Variants in PLEC observed in about 807,000 individuals in gnomAD.
PLEC encodes the protein hemidesmosomal protein 1.
Under a neutral mutation model 392.8 loss-of-function variants are expected in PLEC, and 216 were observed. That is an observed-to-expected ratio of 0.55 (90% CI 0.49 to 0.62). The LOEUF (loss-of-function observed/expected upper bound fraction) is 0.62, where lower values mean the gene tolerates loss of function less well. Among genes scored for constraint, PLEC ranks in the 20% least tolerant of loss-of-function variants. The pLI is 0.00. For synonymous variants in PLEC, 3,621 were observed against 2,980.6 expected, an observed-to-expected ratio of 1.21 and a Z score of -7.00; for missense variants, 6,863 against 6,563.4, an observed-to-expected ratio of 1.05 and a Z score of -1.58.
rs782308508 is a variant in PLEC at position 143,934,028 on chromosome 8, C to G, written c.1233G>C (p.Gln411His). ...GCAGCAGGGCGTCGGCCTGGTTCAG[C>G]TGCTCCTCACACAGCCCCGCCTCCA... ...LQMEAGLCEE[Q>H]LNQADALLQS... The change falls in exon 12 of 32, where the codon CAG (glutamine) becomes CAC (histidine). Residue 411 changes from glutamine (Q) to histidine (H), a missense_variant. Coordinates refer to ENST00000345136, the MANE Select transcript of PLEC (RefSeq NM_201384.3). 4 of 1,610,980 alleles carry G rather than the reference C, an allele frequency of 2.5e-6. No individual in the cohort carries two copies. In the East Asian group the frequency reaches 8.9e-5, roughly 36 times the overall value.
At position 143,933,105 on chromosome 8, in the gene PLEC, G is replaced by A; in HGVS notation, c.1425C>T (p.Tyr475=). Residue 475 remains tyrosine (Y), a synonymous_variant, in exon 14 of 32, where the codon TAC becomes TAT. Transcript: ENST00000345136. The part of the protein sequence containing the change: ...PQGEQMYRRV[Y]RLHERLVAIR... ...TGGCTACCAGGCGCTCGTGCAGACG[G>A]TACACCCTGGGGCAGCAGAGGACTC... 1.3e-6 allele frequency: 2 copies of A among 1,594,982 alleles called. No homozygotes were observed. Among genetic ancestry groups the A allele is most frequent in the Non-Finnish European group, 1.7e-6 (2 of 1,173,588 alleles).
upstream of PLEC, among the ~76,000 whole-genome samples, chr8:143,951,377 G>A (rs147368495): frequency 2.0e-5 from 3 of 152,142 alleles, no homozygotes; most frequent in Non-Finnish European, 4.4e-5. Context: ...GGGGTCTTGC[G>A]GGAGGAAGTC....
chr8:143,952,122 A>G (rs1832218093), upstream of PLEC, among the ~76,000 whole-genome samples: 2 of 151,922 alleles, frequency 1.3e-5, no homozygotes, highest in Admixed American at 6.6e-5. Context: ...GCGGCCAACA[A>G]GCAGCTTGTG....
exon 1 of PLEC, chr8:143,950,802 G>C (rs533900126): frequency 6.6e-7 from 1 of 1,513,158 alleles, no homozygotes; most frequent in Admixed American, 2.0e-5. Context: ...CGCGCTACAG[G>C]GTGTGACAGC....
In PLEC at chr8:143,917,385, G is replaced by C; in HGVS notation, c.12436C>G (p.Pro4146Ala). The C allele has an allele frequency of 6.2e-7, 1 of 1,611,774 alleles. No individual in the cohort carries two copies. Among genetic ancestry groups the C allele is most frequent in the Non-Finnish European group, 8.5e-7 (1 of 1,180,010 alleles). Reference protein sequence around the residue: ...VRKRRVVIVDPETGKEMSVYE... With the variant: ...VRKRRVVIVDAETGKEMSVYE... Reference sequence around the variant, plus strand: ...ACTGACATCTCCTTGCCCGTCTCGGGGTCCACGATGACCACTCGGCGCTTG... The same window carrying C: ...ACTGACATCTCCTTGCCCGTCTCGGCGTCCACGATGACCACTCGGCGCTTG... Residue 4146 changes from proline to alanine, a missense_variant, in exon 32 of 32, where the codon CCC becomes GCC. Transcript: ENST00000345136.
At chr8:143,926,569 G>T (rs1285540077) in intron 30 of PLEC, among the ~76,000 whole-genome samples, 3 of 152,334 alleles carry the variant, frequency 2.0e-5, no homozygotes, top group African/African-American at 4.8e-5. Context: ...CAGCCACTGT[G>T]GGGGAGCAGT....
chr8:143,949,962 C>T (rs1332184011), intron 1 of PLEC, among the ~76,000 whole-genome samples: 1 of 151,956 alleles, frequency 6.6e-6, no homozygotes, highest in Non-Finnish European at 1.5e-5. Context: ...TCCTCCTTGG[C>T]CTACACACCC....
Position 143,920,244 on chromosome 8 carries a change from C to A in PLEC, c.9577G>T (p.Gly3193Cys), listed in dbSNP as rs201402970. The change falls in exon 32 of 32, where the codon GGC (glycine) becomes TGC (cysteine). Residue 3193 changes from glycine to cysteine, a missense_variant. Transcript: ENST00000345136. ...DPSTGEPATY[G>C]ELQQRCRPDQ... Reference sequence around the variant, plus strand: ...GGCCGGCACCGCTGCTGGAGCTCGCCGTAGGTGGCCGGCTCCCCTGTGCTG... The same window carrying A: ...GGCCGGCACCGCTGCTGGAGCTCGCAGTAGGTGGCCGGCTCCCCTGTGCTG... 7.8e-5 allele frequency: 125 copies of A among 1,600,096 alleles called. No individual in the cohort carries two copies. In the African/African-American group the frequency reaches 1.5e-3, roughly 20 times the overall value.
upstream of PLEC, chr8:143,973,570 G>C: frequency 1.0e-6 from 1 of 974,636 alleles, no homozygotes; most frequent in Non-Finnish European, 1.2e-6. The surrounding 1 kb of genome is among the most constrained non-coding windows in gnomAD (Gnocchi z 5.6). Context: ...GGCCGCCCCC[G>C]CCCCGCCCCC....
upstream of PLEC, among the ~76,000 whole-genome samples, chr8:143,940,483 A>G (rs1043366156): frequency 1.3e-5 from 2 of 152,172 alleles, no homozygotes; most frequent in Admixed American, 6.5e-5. Flanking sequence ...GTGGGGCTCA[A>G]GGGAAGCAGT....
In PLEC at chr8:143,923,219, A is replaced by G; in HGVS notation, c.6710T>C (p.Met2237Thr). The G allele has an allele frequency of 6.2e-7, 1 of 1,602,942 alleles. No individual in the cohort carries two copies. Among genetic ancestry groups the G allele is most frequent in the Non-Finnish European group, 8.5e-7 (1 of 1,179,840 alleles). The change falls in exon 31 of 32, where the codon ATG (methionine) becomes ACG (threonine). Residue 2237 changes from methionine to threonine, a missense_variant. Transcript: ENST00000345136. ...TGCCTTGAGCTTGCTCAGCTCCTCC[A>G]TCTGCACGCGCACCGAGAAGAGCTC... ...EEELFSVRVQ[M>T]EELSKLKARI...
chr8:143,973,253 C>G lies in PLEC; in HGVS notation c.70+150G>C, dbSNP rs1833523754. ...AGCGAGTCCTCCCCTTCCCTAGGCA[C>G]TGGCAGCCGTTGGGGGCGATCCAGG... On this transcript the variant is annotated intron_variant, in intron 1 of 31. Coordinates refer to the PLEC transcript ENST00000356346. This position sits in a 1 kb window ranked among gnomAD's most constrained non-coding sequence, Gnocchi z 5.6. 1.0e-6 allele frequency: 1 copy of G among 968,754 alleles called. No homozygotes were observed. The allele number at this position is 968,754 out of a possible 1,614,324, so 60.0% of individuals were successfully genotyped here. A position where few individuals can be genotyped will look rare whatever the true frequency, so the allele number is the denominator to read the frequency against.
Position 143,925,508 on chromosome 8 carries a change from T to C in PLEC, c.4421A>G (p.Glu1474Gly), listed in dbSNP as rs1172540733. The C allele has an allele frequency of 6.9e-6, 11 of 1,595,026 alleles. No individual in the cohort carries two copies. Among genetic ancestry groups the C allele is most frequent in the African/African-American group, 1.3e-5 (1 of 74,836 alleles). Residue 1474 changes from glutamate to glycine, a missense_variant, in exon 31 of 32, where the codon GAG becomes GGG. Transcript: ENST00000345136. ...TERQRGGAEG[E>G]LQALRARAEE... ...CGCCCGTGCACGCAGTGCCTGCAGCTCCCCCTCAGCCCCGCCACGCTGGCG... is the reference window on the plus strand; with the variant it reads ...CGCCCGTGCACGCAGTGCCTGCAGCCCCCCCTCAGCCCCGCCACGCTGGCG...
In PLEC at chr8:143,929,582, CAT is replaced by C. The variant is rs1564100076; in HGVS notation, c.2924-13_2924-12del. The C allele has an allele frequency of 3.7e-6, 6 of 1,612,024 alleles. No homozygotes were observed. Among genetic ancestry groups the C allele is most frequent in the Admixed American group, 3.3e-5 (2 of 60,002 alleles). On this transcript the variant is annotated splice_polypyrimidine_tract_variant and intron_variant, in intron 23 of 31. Transcript: ENST00000345136. ...ACTCTTCCTGTGCACCTGGGGAACA[CAT>C]GTGGGTCACTCCACCGCCCACCTCG...
In PLEC at chr8:143,917,406, G is replaced by A. The variant is rs1554671995; in HGVS notation, c.12415C>T (p.Arg4139Cys). 7 of 1,612,622 alleles carry A rather than the reference G, an allele frequency of 4.3e-6. No homozygotes were observed. The highest frequency in any genetic ancestry group is 2.2e-5 in the South Asian group (2 of 91,076). Residue 4139 changes from arginine to cysteine, a missense_variant, in exon 32 of 32, where the codon CGC becomes TGC. Physicochemically the swap from Arg to Cys is radical, Grantham distance 180. Transcript: ENST00000345136. ...TCGGGGTCCACGATGACCACTCGGCGCTTGCGCACGGAGGACTTGGAGGAC... is the reference window on the plus strand; with the variant it reads ...TCGGGGTCCACGATGACCACTCGGCACTTGCGCACGGAGGACTTGGAGGAC... ...KTSSKSSVRKRRVVIVDPETG... is the reference protein window; with the variant it reads ...KTSSKSSVRKCRVVIVDPETG...
rs1330925422 is a variant in PLEC, at chr8:143,931,536, G to A, written c.2302C>T (p.Gln768Ter). 1 of 1,588,400 alleles carries A rather than the reference G, an allele frequency of 6.3e-7. No homozygotes were observed. The highest frequency in any genetic ancestry group is 8.6e-7 in the Non-Finnish European group (1 of 1,167,676). Residue 768 changes from glutamine to a stop codon, truncating the protein, a stop_gained and splice_region_variant, in exon 19 of 32, where the codon CAG becomes TAG. Coordinates refer to ENST00000345136, the MANE Select transcript of PLEC (RefSeq NM_201384.3). LOFTEE classifies it high-confidence loss of function. ...CCCCTGCACACCCCCTCCCTCACCT[G>A]GGCATCCTGCAGCAGGTCCTCCAGC... ...TRLEDLLQDA[Q>*]DEKEQLNEYK...
At chr8:143,958,317 A>G (rs988743441), upstream of PLEC, among the ~76,000 whole-genome samples, 13 of 152,244 alleles carry the variant, frequency 8.5e-5, no homozygotes, top group Admixed American at 8.5e-4. This position sits in a 1 kb window ranked among gnomAD's most constrained non-coding sequence, Gnocchi z 4.9. Flanking sequence ...TGGGAGTCCC[A>G]GTGAGGGCCC....
In PLEC at chr8:143,924,130, G is replaced by A. The variant is rs988427252; in HGVS notation, c.5799C>T (p.Ser1933=). The A allele has an allele frequency of 6.3e-6, 10 of 1,598,662 alleles. No individual in the cohort carries two copies. The African/African-American group carries it at 9.4e-5, about 15-fold the overall frequency. The part of the protein sequence containing the change: ...VEEEILALKA[S]FEKAAAGKAE... ...CCTTGCCAGCGGCCGCCTTCTCGAA[G>A]CTCGCCTTCAGCGCCAGGATCTCCT... is the stretch of plus-strand genomic sequence containing the variant. Residue 1933 remains serine (S), a synonymous_variant, in exon 31 of 32, where the codon AGC becomes AGT. Coordinates refer to ENST00000345136, the MANE Select transcript of PLEC (RefSeq NM_201384.3).
upstream of PLEC, chr8:143,950,926 TGCCGGC>T (rs1832084637): frequency 3.1e-6 from 3 of 953,602 alleles, no homozygotes; most frequent in South Asian, 3.6e-5. Context: ...CTGCCGGCAC[TGCCGGC>T]TGCCCGCCTT....
Sources: allele counts gnomAD v4.1 joint callset (sites outside exome capture counted in the v4.1 genomes callset), GRCh38; gene constraint gnomAD v4.1.1; non-coding constraint Gnocchi (gnomAD v3.1); transcripts MANE v1.5; gene names NCBI Gene and HGNC (gene_info 2026-07-23, HGNC 2026-07-21).